Variants in TEK observed in about 807,000 individuals in gnomAD.
The protein encoded by TEK is angiopoietin-1 receptor.
Under a neutral mutation model 131.8 loss-of-function variants are expected in TEK, and 43 were observed. The observed-to-expected ratio is 0.33, with a 90% CI of 0.26 to 0.42. The LOEUF (loss-of-function observed/expected upper bound fraction) is 0.42. Among genes scored for constraint, TEK ranks in the 10% least tolerant of loss-of-function variants. The pLI is 1.00. For synonymous variants in TEK, 580 were observed against 491.6 expected (o/e 1.18, Z -2.38); for missense variants, 1,162 against 1,384.4 (o/e 0.84, Z 2.55).
chr9:27,140,231 A>G (rs1226299350), intron 1 of TEK, among the ~76,000 whole-genome samples: 2 of 149,248 alleles, frequency 1.3e-5, no homozygotes, highest in Non-Finnish European at 3.0e-5. Context: ...CTTTCACTTC[A>G]TATGCCCCAC....
chr9:27,110,795 AAC>A (rs1224864529), intron 1 of TEK, among the ~76,000 whole-genome samples: 7 of 152,240 alleles, frequency 4.6e-5, no homozygotes, highest in Non-Finnish European at 1.0e-4. Flanking sequence ...AAGAATGTGT[AAC>A]ACAAGTTGCT....
intron 1 of TEK, among the ~76,000 whole-genome samples, chr9:27,111,925 G>T (rs1189615142): frequency 2.2e-5 from 3 of 136,336 alleles, no homozygotes; most frequent in Admixed American, 7.9e-5. Context: ...TTGAGATGGA[G>T]TCTCGCTCTG....
chr9:27,196,370 T>A (rs921047477), intron 11 of TEK, among the ~76,000 whole-genome samples: 4 of 152,188 alleles, frequency 2.6e-5, no homozygotes, highest in Non-Finnish European at 5.9e-5. Context: ...ATGTAATGAA[T>A]CATTTTGGTA....
At chr9:27,113,186 A>G (rs930041323) in intron 1 of TEK, among the ~76,000 whole-genome samples, 1 of 152,248 alleles carries the variant, frequency 6.6e-6, no homozygotes, top group African/African-American at 2.4e-5. Flanking sequence ...AATTTCTCTA[A>G]GCCACATTTT....
chr9:27,173,805 C>G (rs746711836), intron 6 of TEK, among the ~76,000 whole-genome samples: 6 of 141,342 alleles, frequency 4.2e-5, no homozygotes, highest in Non-Finnish European at 7.5e-5. Flanking sequence ...TAGCACATGC[C>G]TGTTGTCCCA....
chr9:27,199,047 G>A (rs913814680), intron 12 of TEK, among the ~76,000 whole-genome samples: 3 of 152,100 alleles, frequency 2.0e-5, no homozygotes, highest in South Asian at 2.1e-4. Context: ...CAATCCTCCC[G>A]CCTTCGCCTC....
chr9:27,223,360 C>G (rs1239683460), intron 21 of TEK, among the ~76,000 whole-genome samples: 1 of 152,160 alleles, frequency 6.6e-6, no homozygotes, highest in Non-Finnish European at 1.5e-5. Flanking sequence ...AAGCTGACCA[C>G]ATAACTGGAA....
Position 27,209,154 on chromosome 9 carries a change from C to T in TEK, c.2609C>T (p.Ala870Val), listed in dbSNP as rs748449440. 1 of 1,613,838 alleles carries T rather than the reference C, an allele frequency of 6.2e-7. No homozygotes were observed. The change falls in exon 16 of 23, where the codon GCA (alanine) becomes GTA (valine). Residue 870 changes from alanine to valine, a missense_variant. By Grantham distance (64) the Ala-to-Val change is moderately conservative. Around this residue, in one of 6 missense-constraint regions of TEK, gnomAD observed 57 missense variants for 100.8 expected, o/e 0.57. Coordinates refer to ENST00000380036, the MANE Select transcript of TEK (RefSeq NM_000459.5). ...TCCAAAGATGATCACAGGGACTTTGCAGGAGAACTGGAAGTTCTTTGTAAA... is the reference window on the plus strand; with the variant it reads ...TCCAAAGATGATCACAGGGACTTTGTAGGAGAACTGGAAGTTCTTTGTAAA... The part of the protein sequence containing the change: ...YASKDDHRDF[A>V]GELEVLCKLG...
rs1469460687 is a variant in TEK, at chr9:27,197,427, G to A, written c.1737G>A (p.Glu579=). Residue 579 remains glutamate (E), a synonymous_variant, in exon 12 of 23, where the codon GAG becomes GAA. Coordinates refer to ENST00000380036, the MANE Select transcript of TEK (RefSeq NM_000459.5). The part of the protein sequence containing the change: ...SSEDDFYVEV[E]RRSVQKSDQQ... Reference sequence around the variant, plus strand: ...AAGATGACTTTTATGTTGAAGTGGAGAGAAGGTCTGTGCAAAAAAGTGATC... The same window carrying A: ...AAGATGACTTTTATGTTGAAGTGGAAAGAAGGTCTGTGCAAAAAAGTGATC... The A allele has an allele frequency of 2.5e-6, 4 of 1,614,022 alleles. No homozygotes were observed. The highest frequency in any genetic ancestry group is 3.4e-6 in the Non-Finnish European group (4 of 1,180,018).
intron 22 of TEK, 126 bp downstream of exon 22, chr9:27,228,431 A>G (rs1826424242): frequency 6.6e-6 from 5 of 760,982 alleles, no homozygotes; most frequent in Non-Finnish European, 1.1e-5. Context: ...TATAGAAACA[A>G]AGGATGTCCC....
chr9:27,160,977 A>C (rs1243729129), intron 2 of TEK, among the ~76,000 whole-genome samples: 2 of 152,238 alleles, frequency 1.3e-5, no homozygotes, highest in African/African-American at 4.8e-5. Flanking sequence ...ATTCTAAAGG[A>C]AGATGATCTG....
At chr9:27,202,679 C>G in intron 12 of TEK, 141 bp from the exon 13 acceptor site, 1 of 817,512 alleles carries the variant, frequency 1.2e-6, no homozygotes. Context: ...AGTCCAGTAG[C>G]CACTACCAAT....
At chr9:27,126,615 C>G (rs552909010) in intron 1 of TEK, among the ~76,000 whole-genome samples, 2 of 152,288 alleles carry the variant, frequency 1.3e-5, no homozygotes, top group African/African-American at 4.8e-5. Flanking sequence ...AATAAAGTTT[C>G]CATAGAAATA....
intron 1 of TEK, among the ~76,000 whole-genome samples, chr9:27,136,725 G>T (rs1258233143): frequency 6.6e-6 from 1 of 152,062 alleles, no homozygotes; most frequent in African/African-American, 2.4e-5. Flanking sequence ...TCCCCTATCT[G>T]TTCAAGTCCT....
chr9:27,215,256 T>G (rs1386252919), intron 18 of TEK, among the ~76,000 whole-genome samples: 1 of 151,986 alleles, frequency 6.6e-6, no homozygotes, highest in African/African-American at 2.4e-5. Flanking sequence ...TATCTTACAA[T>G]AGACTAAACA....
At chr9:27,178,308 C>T (rs760795338) in intron 6 of TEK, among the ~76,000 whole-genome samples, 2 of 151,854 alleles carry the variant, frequency 1.3e-5, no homozygotes, top group African/African-American at 2.4e-5. Context: ...AATTCTGTTC[C>T]GTTGGTCTAT....
intron 1 of TEK, among the ~76,000 whole-genome samples, chr9:27,111,707 C>G (rs979938919): frequency 7.1e-6 from 1 of 140,662 alleles, no homozygotes; most frequent in Admixed American, 7.6e-5. Context: ...AGCTTTCAAA[C>G]AGGTTCTATT....
intron 1 of TEK, among the ~76,000 whole-genome samples, chr9:27,120,412 T>A (rs1022579793): frequency 1.3e-5 from 2 of 152,268 alleles, no homozygotes; most frequent in Non-Finnish European, 2.9e-5. Context: ...CCTCCTCGCA[T>A]GGATTAGGGC....
At chr9:27,111,666 C>CT (rs2131022354) in intron 1 of TEK, among the ~76,000 whole-genome samples, 1 of 152,154 alleles carries the variant, frequency 6.6e-6, no homozygotes, top group African/African-American at 2.4e-5. Context: ...TGTTGCTTTC[C>CT]TTTTCTGAAT....
Sources: allele counts gnomAD v4.1 joint callset (sites outside exome capture counted in the v4.1 genomes callset), GRCh38; gene constraint gnomAD v4.1.1; regional missense constraint gnomAD v4.1.1; transcripts MANE v1.5; gene names NCBI Gene and HGNC (gene_info 2026-07-23, HGNC 2026-07-21).